The following TTC28 variants were observed in gnomAD, a reference collection of about 807,000 sequenced individuals.
TTC28 encodes the protein tetratricopeptide repeat domain 28, also known as tetratricopeptide repeat protein 28.
A neutral mutation model predicts 198.0 loss-of-function variants in TTC28; 61 were observed. That is an observed-to-expected ratio of 0.31 (90% CI 0.25 to 0.38). TTC28 has a LOEUF of 0.38. TTC28 is among the 10% of genes least tolerant of loss of function. The pLI, the probability that TTC28 is intolerant of heterozygous loss-of-function variation, is 1.00. For missense variants in TTC28, 2,678 were observed against 3,164.0 expected (o/e 0.85, Z 3.69); for synonymous variants, 1,171 against 1,297.8 (o/e 0.90, Z 2.10).
chr22:27,999,292 G>T (rs376807638), intron 15 of TTC28, 32 bp from the exon 16 acceptor site: 2 of 1,517,654 alleles, frequency 1.3e-6, no homozygotes, highest in Non-Finnish European at 1.8e-6. Flanking sequence ...CAGACCACCC[G>T]TCAGACAGAA....
chr22:28,326,646 T>C (rs531511570), intron 2 of TTC28, among the ~76,000 whole-genome samples: 1 of 152,326 alleles, frequency 6.6e-6, no homozygotes, highest in African/African-American at 2.4e-5. Context: ...TACCTTTTAC[T>C]TGGAGATATT....
chr22:28,293,623 T>G (rs764227189), intron 5 of TTC28, among the ~76,000 whole-genome samples: 1 of 152,084 alleles, frequency 6.6e-6, no homozygotes, highest in Non-Finnish European at 1.5e-5. Flanking sequence ...ATATGAAATG[T>G]TCCCCCCCTC....
intron 2 of TTC28, among the ~76,000 whole-genome samples, chr22:28,431,259 TTAA>T: frequency 6.6e-6 from 1 of 152,214 alleles, no homozygotes; most frequent in East Asian, 1.9e-4. Flanking sequence ...TAGTAAATGT[TTAA>T]TAATATGATC....
intron 2 of TTC28, among the ~76,000 whole-genome samples, chr22:28,405,168 GT>G (rs1382584535): frequency 6.6e-6 from 1 of 152,048 alleles, no homozygotes; most frequent in African/African-American, 2.4e-5. Flanking sequence ...CATGCAGAAG[GT>G]TTTTTTAAAT....
chr22:27,984,676 T>C (rs1601478891), intron 22 of TTC28, among the ~76,000 whole-genome samples: 1 of 152,238 alleles, frequency 6.6e-6, no homozygotes, highest in Non-Finnish European at 1.5e-5. Context: ...AGCCCATTCC[T>C]CCTGCCACTT....
At chr22:28,096,015 T>G (rs977941855) in intron 11 of TTC28, among the ~76,000 whole-genome samples, 175 bp downstream of exon 11, 2 of 152,248 alleles carry the variant, frequency 1.3e-5, no homozygotes, top group Non-Finnish European at 2.9e-5. Context: ...AAAGCTGGGC[T>G]GTCTTATTAT....
chr22:28,456,256 T>G (rs937876811), intron 2 of TTC28, among the ~76,000 whole-genome samples: 9 of 151,806 alleles, frequency 5.9e-5, no homozygotes, highest in Non-Finnish European at 1.2e-4. Context: ...ATCCCATTTA[T>G]GTAAAATGTC....
intron 2 of TTC28, among the ~76,000 whole-genome samples, chr22:28,440,686 C>T (rs147146308): frequency 3.0e-4 from 45 of 152,192 alleles, no homozygotes; most frequent in African/African-American, 9.4e-4. Flanking sequence ...TTTATGAAAC[C>T]GTTTGGTAAA....
At chr22:27,983,968 G>T in intron 22 of TTC28, 117 bp from the exon 23 acceptor site, 3 of 1,071,384 alleles carry the variant, frequency 2.8e-6, no homozygotes. Flanking sequence ...TTATGCAAGA[G>T]CTACTCATAT....
At chr22:28,088,664 G>A (rs900208023) in intron 12 of TTC28, among the ~76,000 whole-genome samples, 5 of 152,154 alleles carry the variant, frequency 3.3e-5, no homozygotes, top group Admixed American at 6.6e-5. Context: ...TTGACAAATG[G>A]GATCTAATTA....
At chr22:28,526,548 A>G (rs914893634) in intron 2 of TTC28, among the ~76,000 whole-genome samples, 1 of 152,198 alleles carries the variant, frequency 6.6e-6, no homozygotes, top group Non-Finnish European at 1.5e-5. Context: ...CATACAGTGT[A>G]GGACAGCTAG....
At chr22:28,217,449 A>C (rs935322296) in intron 5 of TTC28, among the ~76,000 whole-genome samples, 1 of 152,212 alleles carries the variant, frequency 6.6e-6, no homozygotes, top group Non-Finnish European at 1.5e-5. Flanking sequence ...AATTGTGGCG[A>C]TAGAGGAAAG....
At chr22:28,089,469 A>T (rs1485825094) in intron 12 of TTC28, among the ~76,000 whole-genome samples, 2 of 148,638 alleles carry the variant, frequency 1.3e-5, no homozygotes, top group Non-Finnish European at 3.0e-5. Context: ...AACAATGAGA[A>T]CACATGGACA....
intron 1 of TTC28, among the ~76,000 whole-genome samples, chr22:28,635,164 A>G (rs539620032): frequency 1.4e-4 from 21 of 152,190 alleles, no homozygotes; most frequent in African/African-American, 9.6e-5. Flanking sequence ...TACTAAAAAT[A>G]CAAAAAATTA....
At chr22:28,109,584 G>A (rs1259431032) in intron 6 of TTC28, among the ~76,000 whole-genome samples, 2 of 152,188 alleles carry the variant, frequency 1.3e-5, no homozygotes, top group Non-Finnish European at 2.9e-5. Context: ...CTAAACTATT[G>A]TTTTAACAAG....
chr22:28,116,915 C>T (rs1448512229), intron 6 of TTC28, among the ~76,000 whole-genome samples: 1 of 152,208 alleles, frequency 6.6e-6, no homozygotes, highest in Admixed American at 6.5e-5. Flanking sequence ...CAATCCTACC[C>T]TGCCTCTTCT....
At chr22:28,211,473 G>C (rs572710666) in intron 5 of TTC28, among the ~76,000 whole-genome samples, 1 of 151,976 alleles carries the variant, frequency 6.6e-6, no homozygotes, top group Non-Finnish European at 1.5e-5. Context: ...AAAAGCAGAG[G>C]TTACAATCCT....
At chr22:28,413,835 G>A (rs2047127049) in intron 2 of TTC28, among the ~76,000 whole-genome samples, 1 of 152,142 alleles carries the variant, frequency 6.6e-6, no homozygotes, top group African/African-American at 2.4e-5. Context: ...AAATGAAGGA[G>A]GACTTTACTT....
intron 2 of TTC28, among the ~76,000 whole-genome samples, chr22:28,380,073 T>C (rs1462818267): frequency 8.9e-6 from 1 of 112,920 alleles, no homozygotes; most frequent in Non-Finnish European, 2.4e-5. Flanking sequence ...TAAAGAAAGC[T>C]AGGTGAAGGG....
Sources: gnomAD v4.1 joint callset for allele counts (sites outside exome capture counted in the v4.1 genomes callset) on GRCh38, gnomAD v4.1.1 for gene constraint, MANE v1.5 for transcripts, NCBI Gene and HGNC (gene_info 2026-07-23, HGNC 2026-07-21) for gene names.